TIPRL: variants seen among roughly 807,000 people sequenced by gnomAD.
TIPRL encodes TOR signaling pathway regulator, also known as TIP41-like protein.
A neutral mutation model predicts 32.3 loss-of-function variants in TIPRL; 10 were observed. The ratio of observed to expected loss-of-function variants is 0.31; its 90% CI spans 0.19 to 0.52. The LOEUF is 0.52. TIPRL is among the 20% of genes least tolerant of loss of function. TIPRL has a pLI of 0.96. For synonymous variants in TIPRL, 100 were observed against 114.0 expected, an observed-to-expected ratio of 0.88 and a Z score of 0.78; for missense variants, 250 against 328.1, an observed-to-expected ratio of 0.76 and a Z score of 1.84.
In TIPRL at chr1:168,191,661, A is replaced by G. The variant is rs188275038; in HGVS notation, c.516+161A>G. On this transcript the variant is annotated intron_variant, in intron 4 of 6. Transcript: ENST00000367833. Reference sequence around the variant, plus strand: ...CTGAGGCGGGCTGGATCGCCAGGTCAGGAGACCGAGACCATCCTGGCTAAC... The same window carrying G: ...CTGAGGCGGGCTGGATCGCCAGGTCGGGAGACCGAGACCATCCTGGCTAAC... Among the ~76,000 whole-genome samples the G allele has an allele frequency of 3.3e-5, 5 of 152,200 alleles. No homozygotes were observed. In the South Asian group the frequency reaches 6.2e-4, roughly 19 times the overall value.
At chr1:168,189,385 G>T (rs1350202536) in intron 3 of TIPRL, among the ~76,000 whole-genome samples, 1 of 151,980 alleles carries the variant, frequency 6.6e-6, no homozygotes, top group Non-Finnish European at 1.5e-5. Flanking sequence ...CATTCTTGTC[G>T]CCCAGGCTGG....
intron 1 of TIPRL, among the ~76,000 whole-genome samples, chr1:168,179,455 TC>T (rs1487133551): frequency 6.6e-6 from 1 of 152,028 alleles, no homozygotes; most frequent in East Asian, 1.9e-4. Context: ...ACCAAACGTC[TC>T]CTCCTGCCTC....
intron 4 of TIPRL, among the ~76,000 whole-genome samples, chr1:168,196,154 G>A (rs1361374746): frequency 6.6e-6 from 1 of 152,208 alleles, no homozygotes; most frequent in African/African-American, 2.4e-5. Flanking sequence ...TATGTAAAGT[G>A]AATAGGTGAG....
intron 1 of TIPRL, among the ~76,000 whole-genome samples, chr1:168,182,957 A>G (rs1221327576): frequency 6.6e-6 from 1 of 152,252 alleles, no homozygotes; most frequent in African/African-American, 2.4e-5. Context: ...ATGAAAGTTA[A>G]CATTGTTAGT....
At chr1:168,192,542 C>A in intron 4 of TIPRL, 1 of 364,678 alleles carries the variant, frequency 2.7e-6, no homozygotes, top group Non-Finnish European at 3.8e-6. Context: ...ACCTTTTCTA[C>A]AAGGCCCTTC....
At chr1:168,195,947 T>C (rs1196340879) in intron 4 of TIPRL, among the ~76,000 whole-genome samples, 1 of 152,212 alleles carries the variant, frequency 6.6e-6, no homozygotes, top group African/African-American at 2.4e-5. Flanking sequence ...AGGACCCACC[T>C]TCATACTTTC....
intron 1 of TIPRL, among the ~76,000 whole-genome samples, chr1:168,180,752 C>T (rs12756816): frequency 0.26 from 39,506 of 150,330 alleles, 5,856 homozygotes; most frequent in Admixed American, 0.43. Context: ...TCCCTTCATC[C>T]CACCAGAAAT....
At chr1:168,181,782 C>T (rs1699969833) in intron 1 of TIPRL, among the ~76,000 whole-genome samples, 3 of 151,584 alleles carry the variant, frequency 2.0e-5, no homozygotes, top group South Asian at 2.1e-4. Flanking sequence ...TGCCTGAGGC[C>T]GGGTGCGGTG....
At chr1:168,182,552 G>C (rs1056860359) in intron 1 of TIPRL, among the ~76,000 whole-genome samples, 2 of 148,806 alleles carry the variant, frequency 1.3e-5, no homozygotes, top group African/African-American at 5.2e-5. Context: ...CTTGAATCTG[G>C]GAGGCGGAAG....
intron 6 of TIPRL, among the ~76,000 whole-genome samples, 182 bp downstream of exon 6, chr1:168,199,163 G>A (rs570182440): frequency 6.6e-6 from 1 of 152,034 alleles, no homozygotes; most frequent in Admixed American, 6.6e-5. Context: ...TCAAATACAA[G>A]AACATTTAGA....
Position 168,184,021 on chromosome 1 carries a change from G to T in TIPRL, c.224G>T (p.Cys75Phe). ...TTCAATGCTACAGATGCGTTAAGAT[G>T]TGTAAACAACTACCAAGGAATGCTT... is the stretch of plus-strand genomic sequence containing the variant. ...IEFNATDALR[C>F]VNNYQGMLKV... Residue 75 changes from cysteine (C) to phenylalanine (F), a missense_variant, in exon 2 of 7, where the codon TGT becomes TTT. Transcript: ENST00000367833. The T allele has an allele frequency of 6.2e-7, 1 of 1,614,124 alleles. No individual in the cohort carries two copies. Among genetic ancestry groups the T allele is most frequent in the South Asian group, 1.1e-5 (1 of 91,082 alleles).
At chr1:168,179,258 G>A in intron 1 of TIPRL, 77 bp downstream of exon 1, 1 of 1,297,730 alleles carries the variant, frequency 7.7e-7, no homozygotes, top group South Asian at 1.2e-5. Flanking sequence ...ACTCTGTGCA[G>A]CCCCTCCCCT....
rs1700094613 is a variant in TIPRL at position 168,191,364 on chromosome 1, T to C, written c.385-5T>C. The C allele has an allele frequency of 1.3e-6, 2 of 1,519,220 alleles. No individual in the cohort carries two copies. The highest frequency in any genetic ancestry group is 8.7e-7 in the Non-Finnish European group (1 of 1,146,814). The allele number at this position is 1,519,220 out of a possible 1,614,324, so 94.1% of individuals were successfully genotyped here. A position where few individuals can be genotyped will look rare whatever the true frequency, so the allele number is the denominator to read the frequency against. ...TGTGCTCCTCTTTAAAATTTTTTCTTTCAGGTTGTACCTACAACAGATCAT... is the reference window on the plus strand; with the variant it reads ...TGTGCTCCTCTTTAAAATTTTTTCTCTCAGGTTGTACCTACAACAGATCAT... On this transcript the variant is annotated splice_polypyrimidine_tract_variant and splice_region_variant and intron_variant, in intron 3 of 6. Transcript: ENST00000367833.
rs1314366636 is a variant in TIPRL, at chr1:168,201,251, G to A, written c.*1205G>A. 6.6e-6 allele frequency: 1 copy of A among 152,000 alleles called. No individual in the cohort carries two copies. Among genetic ancestry groups the A allele is most frequent in the Non-Finnish European group, 1.5e-5 (1 of 67,966 alleles). The allele number at this position is 152,000 out of a possible 1,614,324, so 9.4% of individuals were successfully genotyped here. The stretch of plus-strand genomic sequence containing the variant: ...TAAAAATATTTTTTTGAAGGGCAGG[G>A]GGAAAATTCACCCCTTTTCTGATTT... On this transcript the variant is annotated 3_prime_UTR_variant, in exon 7 of 7. Coordinates refer to ENST00000367833, the MANE Select transcript of TIPRL (RefSeq NM_152902.5).
chr1:168,181,781 C>G (rs1194026479), intron 1 of TIPRL, among the ~76,000 whole-genome samples: 1 of 151,738 alleles, frequency 6.6e-6, no homozygotes, highest in Non-Finnish European at 1.5e-5. Context: ...TTGCCTGAGG[C>G]CGGGTGCGGT....
chr1:168,189,669 AT>A (rs1370990473), intron 3 of TIPRL, among the ~76,000 whole-genome samples: 7 of 150,738 alleles, frequency 4.6e-5, no homozygotes, highest in Non-Finnish European at 3.0e-5. Flanking sequence ...TTAGCTGGTT[AT>A]TTTTTTTTTG....
chr1:168,184,725 G>T, intron 2 of TIPRL, 54 bp from the exon 3 acceptor site: 1 of 1,070,950 alleles, frequency 9.3e-7, no homozygotes. Context: ...TATAAATACA[G>T]ATAATCTCTA....
rs567215131 is a variant in TIPRL, at chr1:168,182,027, G to A, written c.105-1875G>A. Among the ~76,000 whole-genome samples the A allele has an allele frequency of 2.0e-5, 3 of 151,448 alleles. No homozygotes were observed. The South Asian group carries it at 6.2e-4, about 31-fold the overall frequency. ...TGCAGTACGCTGAGATCGTGCCACT[G>A]TGCTCCAGCCTGGATGACAGAGTAA... On this transcript the variant is annotated intron_variant, in intron 1 of 6. Coordinates refer to ENST00000367833, the MANE Select transcript of TIPRL (RefSeq NM_152902.5).
At position 168,191,494 on chromosome 1, in the gene TIPRL, G is replaced by T; in HGVS notation, c.510G>T (p.Val170=). ...LHDHGVSSLS[V]KIRVMPSSFF... ...ATCATGGAGTTTCAAGCCTGAGTGT[G>T]AAGATTGTGAGTATTATTTTTATTT... Residue 170 remains valine (V), a synonymous_variant, in exon 4 of 7, where the codon GTG becomes GTT. Transcript: ENST00000367833. 2 of 1,494,748 alleles carry T rather than the reference G, an allele frequency of 1.3e-6. No individual in the cohort carries two copies. The highest frequency in any genetic ancestry group is 1.8e-6 in the Non-Finnish European group (2 of 1,130,282). 92.6% of individuals were successfully genotyped at this position (1,494,748 alleles called of 1,614,324 possible). A position where few individuals can be genotyped will look rare whatever the true frequency, so the allele number is the denominator to read the frequency against.
Sources: gnomAD v4.1 joint callset for allele counts (sites outside exome capture counted in the v4.1 genomes callset) on GRCh38, gnomAD v4.1.1 for gene constraint, MANE v1.5 for transcripts, NCBI Gene and HGNC (gene_info 2026-07-23, HGNC 2026-07-21) for gene names.